Variants in OSBPL11 observed in about 807,000 individuals in gnomAD.
The protein encoded by OSBPL11 is oxysterol binding protein like 11, also known as oxysterol-binding protein-related protein 11.
Under a neutral mutation model 84.4 loss-of-function variants are expected in OSBPL11, and 33 were observed. The observed-to-expected ratio is 0.39, with a 90% CI of 0.30 to 0.52. OSBPL11 has a LOEUF of 0.52. Among genes scored for constraint, OSBPL11 ranks in the 20% least tolerant of loss-of-function variants. OSBPL11 has a pLI of 0.72. For missense variants in OSBPL11, 736 were observed against 901.1 expected, an observed-to-expected ratio of 0.82 and a Z score of 2.35; for synonymous variants, 276 against 310.2, an observed-to-expected ratio of 0.89 and a Z score of 1.16.
At chr3:125,582,766 C>T (rs1181481389) in intron 2 of OSBPL11, 144 bp downstream of exon 2, 2 of 669,004 alleles carry the variant, frequency 3.0e-6, no homozygotes, top group African/African-American at 3.9e-5. Flanking sequence ...GAAGAAGTCA[C>T]CAAACTTTTA....
chr3:125,532,824 A>G (rs1046162382), intron 11 of OSBPL11, among the ~76,000 whole-genome samples: 7 of 57,438 alleles, frequency 1.2e-4, no homozygotes, highest in Non-Finnish European at 1.9e-4. Context: ...AAAATGTGAT[A>G]TATCCATACA....
chr3:125,564,012 T>C (rs1371269911), intron 6 of OSBPL11, among the ~76,000 whole-genome samples, 169 bp from the exon 7 acceptor site: 2 of 152,152 alleles, frequency 1.3e-5, no homozygotes, highest in East Asian at 1.9e-4. Context: ...AGCACCATGA[T>C]TGGGTATTTT....
intron 11 of OSBPL11, 127 bp downstream of exon 11, chr3:125,538,324 T>C: frequency 2.5e-6 from 2 of 798,304 alleles, no homozygotes; most frequent in East Asian, 2.5e-5. Flanking sequence ...ATCAGACTAA[T>C]GCTTTCAATT....
chr3:125,546,767 G>A (rs1026212663), intron 10 of OSBPL11, among the ~76,000 whole-genome samples: 2 of 152,030 alleles, frequency 1.3e-5, no homozygotes, highest in African/African-American at 4.8e-5. Context: ...GGCACATGCC[G>A]TAATCACAGC....
chr3:125,558,147 C>T (rs1258805879), intron 8 of OSBPL11, among the ~76,000 whole-genome samples: 2 of 152,140 alleles, frequency 1.3e-5, no homozygotes, highest in South Asian at 2.1e-4. Context: ...ATAGTATATG[C>T]ACTTATTCAT....
chr3:125,542,512 T>TA (rs1559835919), intron 10 of OSBPL11, among the ~76,000 whole-genome samples: 1 of 149,478 alleles, frequency 6.7e-6, no homozygotes, highest in Non-Finnish European at 1.5e-5. Flanking sequence ...ATTTTGTATT[T>TA]TTTTTTTTTT....
At chr3:125,562,836 G>A (rs1331375814) in intron 7 of OSBPL11, among the ~76,000 whole-genome samples, 1 of 152,140 alleles carries the variant, frequency 6.6e-6, no homozygotes, top group Non-Finnish European at 1.5e-5. Flanking sequence ...TGAGGCAGGA[G>A]AATCACTGGA....
At chr3:125,574,723 C>A (rs1198396353) in intron 5 of OSBPL11, among the ~76,000 whole-genome samples, 3 of 152,088 alleles carry the variant, frequency 2.0e-5, no homozygotes, top group Admixed American at 6.5e-5. Flanking sequence ...TTTCTGATGA[C>A]ACTGGGGATG....
At chr3:125,568,438 A>G (rs892362250) in intron 5 of OSBPL11, among the ~76,000 whole-genome samples, 12 of 152,222 alleles carry the variant, frequency 7.9e-5, no homozygotes, top group Non-Finnish European at 1.5e-4. Context: ...CTCAAAAAAA[A>G]AAAAAAAAGG....
chr3:125,557,981 ACAGGGTTTCGC>A (rs1321040343), intron 8 of OSBPL11, among the ~76,000 whole-genome samples: 1 of 151,698 alleles, frequency 6.6e-6, no homozygotes, highest in African/African-American at 2.4e-5. Flanking sequence ...TTTGGTACAG[ACAGGGTTTCGC>A]CATGTTGGCT....
At chr3:125,547,822 T>G (rs1229416141) in intron 9 of OSBPL11, among the ~76,000 whole-genome samples, 2 of 152,242 alleles carry the variant, frequency 1.3e-5, no homozygotes, top group African/African-American at 4.8e-5. Context: ...TTGAGGTTCA[T>G]GAAACCAGTA....
intron 5 of OSBPL11, among the ~76,000 whole-genome samples, chr3:125,575,174 T>A (rs1181291028): frequency 1.3e-5 from 2 of 151,912 alleles, no homozygotes; most frequent in African/African-American, 4.8e-5. Flanking sequence ...CTGTAATATA[T>A]ATATTCTATA....
intron 10 of OSBPL11, among the ~76,000 whole-genome samples, chr3:125,543,580 C>T (rs1166288303): frequency 1.3e-5 from 2 of 152,110 alleles, no homozygotes; most frequent in South Asian, 2.1e-4. Flanking sequence ...GATATATCCT[C>T]GTCCCCTGCA....
intron 10 of OSBPL11, among the ~76,000 whole-genome samples, chr3:125,545,488 AC>A (rs1935798825): frequency 6.6e-6 from 1 of 152,238 alleles, no homozygotes; most frequent in South Asian, 2.1e-4. Context: ...TAAAAGCCTT[AC>A]AAATGCTTTC....
chr3:125,531,221 G>A (rs1165538542), intron 12 of OSBPL11, among the ~76,000 whole-genome samples: 3 of 150,650 alleles, frequency 2.0e-5, no homozygotes, highest in African/African-American at 2.4e-5. Flanking sequence ...CTCATGATCC[G>A]CCCGCCTCGG....
chr3:125,547,248 G>C (rs1055818749), intron 10 of OSBPL11, among the ~76,000 whole-genome samples, 158 bp downstream of exon 10: 13 of 152,156 alleles, frequency 8.5e-5, no homozygotes, highest in African/African-American at 3.1e-4. Context: ...AACAGAGCAT[G>C]ACTTTCAGAA....
chr3:125,539,321 ATATATATATATATATATATATATAAT>A (rs1297576864), intron 10 of OSBPL11, among the ~76,000 whole-genome samples: 1 of 119,264 alleles, frequency 8.4e-6, no homozygotes, highest in Non-Finnish European at 1.6e-5. Flanking sequence ...ATATATATAT[ATATATATATATATATATATATATAAT>A]AGCTATATAT....
chr3:125,546,126 A>G (rs1935808928), intron 10 of OSBPL11, among the ~76,000 whole-genome samples: 1 of 150,816 alleles, frequency 6.6e-6, no homozygotes, highest in Non-Finnish European at 1.5e-5. Flanking sequence ...GTCTCTTAAA[A>G]AAAAAAAAAA....
At chr3:125,550,548 T>A (rs773151696) in intron 9 of OSBPL11, among the ~76,000 whole-genome samples, 1 of 152,226 alleles carries the variant, frequency 6.6e-6, no homozygotes, top group Non-Finnish European at 1.5e-5. Context: ...ACTTTCTTCA[T>A]AACGACTATA....
Sources: allele counts gnomAD v4.1 joint callset (sites outside exome capture counted in the v4.1 genomes callset), GRCh38; gene constraint gnomAD v4.1.1; transcripts MANE v1.5; gene names NCBI Gene and HGNC (gene_info 2026-07-23, HGNC 2026-07-21).